The following PPP2R5E variants were observed in gnomAD, a reference collection of about 807,000 sequenced individuals.
PPP2R5E encodes protein phosphatase 2 regulatory subunit B'epsilon, also known as serine/threonine-protein phosphatase 2A 56 kDa regulatory subunit epsilon isoform.
Under a neutral mutation model 65.3 loss-of-function variants are expected in PPP2R5E, and 4 were observed. The observed-to-expected ratio is 0.06, with a 90% CI of 0.03 to 0.14. The LOEUF (loss-of-function observed/expected upper bound fraction) is 0.14, where lower values mean the gene tolerates loss of function less well. Among genes scored for constraint, PPP2R5E ranks in the 10% least tolerant of loss-of-function variants. The probability of loss-of-function intolerance (pLI) is 1.00; values close to 1 mark genes in which losing one functional copy is unlikely to be tolerated. For synonymous variants in PPP2R5E, 183 were observed against 187.4 expected (o/e 0.98, Z 0.19); for missense variants, 274 against 556.1 (o/e 0.49, Z 5.10).
chr14:63,476,929 T>C (rs879288536), intron 2 of PPP2R5E, among the ~76,000 whole-genome samples: 1 of 152,002 alleles, frequency 6.6e-6, no homozygotes, highest in African/African-American at 2.4e-5. Flanking sequence ...GACTGTAGAG[T>C]AGTAGAGTCT....
intron 2 of PPP2R5E, among the ~76,000 whole-genome samples, chr14:63,476,243 TCCC>T (rs915780644): frequency 6.6e-6 from 1 of 152,028 alleles, no homozygotes; most frequent in African/African-American, 2.4e-5. Flanking sequence ...TTCTTCTTTT[TCCC>T]CCCCTTTTGC....
chr14:63,527,929 A>G (rs182518290), intron 2 of PPP2R5E, among the ~76,000 whole-genome samples: 1 of 152,116 alleles, frequency 6.6e-6, no homozygotes, highest in East Asian at 1.9e-4. Context: ...TGTAAGAAAA[A>G]AAAAAAAAAA....
intron 2 of PPP2R5E, among the ~76,000 whole-genome samples, chr14:63,522,188 C>T (rs1289962230): frequency 7.8e-4 from 119 of 152,282 alleles, no homozygotes; most frequent in Middle Eastern, 6.8e-3. Context: ...GCGAGTGATC[C>T]ACCAGCCTCG....
intron 5 of PPP2R5E, among the ~76,000 whole-genome samples, chr14:63,397,014 ATTAATCCTCCCAATGAGATAG>A (rs1268186515): frequency 4.6e-5 from 7 of 152,234 alleles, no homozygotes; most frequent in African/African-American, 1.7e-4. Flanking sequence ...CAATCTACAT[ATTAATCCTCCCAATGAGATAG>A]TTTTGTCCCC....
intron 3 of PPP2R5E, among the ~76,000 whole-genome samples, chr14:63,437,432 A>C (rs1032176570): frequency 6.6e-5 from 10 of 152,362 alleles, no homozygotes; most frequent in South Asian, 2.1e-4. Context: ...GGTCTGGGTC[A>C]GGACCCCTTT....
chr14:63,396,584 AC>A lies in PPP2R5E; in HGVS notation c.680+1del. The A allele has an allele frequency of 6.2e-7, 1 of 1,611,884 alleles. No individual in the cohort carries two copies. The highest frequency in any genetic ancestry group is 8.5e-7 in the Non-Finnish European group (1 of 1,179,478). On this transcript the variant is annotated splice_donor_variant, in intron 6 of 13. Coordinates refer to ENST00000337537, the MANE Select transcript of PPP2R5E (RefSeq NM_006246.5). LOFTEE classifies it high-confidence loss of function. ...CTTCTTCCCCCATCACACTCCACTT[AC>A]CTTAGAAAAATATTGTTAATCTGTT...
chr14:63,479,760 C>G (rs959195008), intron 2 of PPP2R5E, among the ~76,000 whole-genome samples: 2 of 152,092 alleles, frequency 1.3e-5, no homozygotes, highest in Non-Finnish European at 2.9e-5. Context: ...TGAAATGAAA[C>G]TGATGGAGAG....
intron 2 of PPP2R5E, among the ~76,000 whole-genome samples, chr14:63,495,218 A>C (rs991314865): frequency 9.3e-5 from 14 of 150,740 alleles, no homozygotes; most frequent in Admixed American, 2.7e-4. Flanking sequence ...CACACACACA[A>C]AAAAATTCAT....
At chr14:63,497,155 T>C (rs939799177) in intron 2 of PPP2R5E, among the ~76,000 whole-genome samples, 8 of 152,310 alleles carry the variant, frequency 5.3e-5, no homozygotes, top group Non-Finnish European at 1.0e-4. Context: ...CAGGCAGTTA[T>C]GATCACAAAC....
intron 2 of PPP2R5E, among the ~76,000 whole-genome samples, chr14:63,470,723 T>TAAAA (rs35190574): frequency 2.4e-5 from 3 of 124,526 alleles, no homozygotes; most frequent in Admixed American, 8.7e-5. Flanking sequence ...ATCAACAGAT[T>TAAAA]AAAAAAAAAA....
chr14:63,504,748 C>G (rs947977233), intron 2 of PPP2R5E, among the ~76,000 whole-genome samples: 1 of 152,162 alleles, frequency 6.6e-6, no homozygotes, highest in South Asian at 2.1e-4. Flanking sequence ...AAGTGCCTTA[C>G]ACGTCTTAGT....
intron 7 of PPP2R5E, 152 bp downstream of exon 7, chr14:63,395,074 G>T (rs933635859): frequency 3.3e-6 from 2 of 611,932 alleles, no homozygotes; most frequent in African/African-American, 3.8e-5. Flanking sequence ...GTGTCTTGTA[G>T]AGTCAGCTGG....
chr14:63,394,844 T>C (rs371415630), intron 7 of PPP2R5E, among the ~76,000 whole-genome samples: 2 of 152,358 alleles, frequency 1.3e-5, no homozygotes, highest in Non-Finnish European at 1.5e-5. Context: ...ACAACTCCTT[T>C]GAAAATGGCA....
At chr14:63,509,681 A>T (rs111756774) in intron 2 of PPP2R5E, among the ~76,000 whole-genome samples, 5 of 152,154 alleles carry the variant, frequency 3.3e-5, no homozygotes, top group Admixed American at 1.3e-4. Flanking sequence ...AGGTTTGACT[A>T]TATGTTACAA....
intron 5 of PPP2R5E, among the ~76,000 whole-genome samples, chr14:63,402,677 AT>A (rs1406270163): frequency 1.3e-5 from 2 of 152,182 alleles, no homozygotes; most frequent in Non-Finnish European, 2.9e-5. Flanking sequence ...GCACTAGAAC[AT>A]TAAAATGAGC....
chr14:63,388,405 C>CTGGA (rs1884808233), intron 11 of PPP2R5E, among the ~76,000 whole-genome samples: 1 of 152,166 alleles, frequency 6.6e-6, no homozygotes. Flanking sequence ...TCCCAAAGTG[C>CTGGA]TGGGATCACA....
intron 5 of PPP2R5E, among the ~76,000 whole-genome samples, chr14:63,408,578 T>A (rs1001363986): frequency 1.3e-5 from 2 of 152,200 alleles, no homozygotes; most frequent in Non-Finnish European, 2.9e-5. Flanking sequence ...TCATTAGTCA[T>A]CTTTTTCAAA....
intron 5 of PPP2R5E, among the ~76,000 whole-genome samples, chr14:63,397,955 C>G (rs547432561): frequency 2.6e-5 from 4 of 152,238 alleles, no homozygotes; most frequent in African/African-American, 9.6e-5. Context: ...TCTCAAACTC[C>G]AGAACTCAGG....
chr14:63,374,112 T>C lies in PPP2R5E; in HGVS notation c.*1897A>G, dbSNP rs1734103081. 6.6e-6 allele frequency: 1 copy of C among 151,306 alleles called. No homozygotes were observed. The highest frequency in any genetic ancestry group is 2.1e-4 in the South Asian group (1 of 4,786). 9.4% of individuals were successfully genotyped at this position (151,306 alleles called of 1,614,324 possible). A position where few individuals can be genotyped will look rare whatever the true frequency, so the allele number is the denominator to read the frequency against. On this transcript the variant is annotated 3_prime_UTR_variant, in exon 14 of 14. Coordinates refer to ENST00000337537, the MANE Select transcript of PPP2R5E (RefSeq NM_006246.5). ...TTTTTTTTCTTTTTGGAATTAACAATGCCAGTTTTGTTTGTTTTTTTACAA... is the reference window on the plus strand; with the variant it reads ...TTTTTTTTCTTTTTGGAATTAACAACGCCAGTTTTGTTTGTTTTTTTACAA...
Sources: allele counts gnomAD v4.1 joint callset (sites outside exome capture counted in the v4.1 genomes callset), GRCh38; gene constraint gnomAD v4.1.1; transcripts MANE v1.5; gene names NCBI Gene and HGNC (gene_info 2026-07-23, HGNC 2026-07-21).